Variants in TUSC3 observed in about 807,000 individuals in gnomAD.
TUSC3 encodes the protein tumor suppressor candidate 3, also known as dolichyl-diphosphooligosaccharide--protein glycosyltransferase subunit TUSC3.
In TUSC3, 45 loss-of-function variants were observed where a neutral mutation model predicts 44.8. That is an observed-to-expected ratio of 1.00 (90% CI 0.79 to 1.29). TUSC3 has a LOEUF of 1.29. Ranked by LOEUF, TUSC3 falls within the 50% of genes most tolerant of loss-of-function variation. The pLI is 0.00. For synonymous variants in TUSC3, 212 were observed against 152.9 expected (o/e 1.39, Z -2.85); for missense variants, 519 against 437.9 (o/e 1.19, Z -1.65).
chr8:15,736,466 G>T (rs1040366918), intron 7 of TUSC3, among the ~76,000 whole-genome samples: 2 of 152,150 alleles, frequency 1.3e-5, no homozygotes, highest in African/African-American at 4.8e-5. Context: ...AATTTGAACT[G>T]TGGTATCAAA....
At chr8:15,597,268 GCCTGTGGC>G (rs1409875820) in intron 1 of TUSC3, among the ~76,000 whole-genome samples, 6 of 152,028 alleles carry the variant, frequency 3.9e-5, no homozygotes, top group Non-Finnish European at 8.8e-5. Flanking sequence ...TGATTTTGAA[GCCTGTGGC>G]CCTTAGATCT....
At chr8:15,429,941 A>T (rs1460293548) in intron 1 of TUSC3, among the ~76,000 whole-genome samples, 2 of 151,702 alleles carry the variant, frequency 1.3e-5, no homozygotes, top group African/African-American at 2.4e-5. Context: ...GAAGAAGTTG[A>T]ATCTCTGAAT....
chr8:15,730,157 A>G (rs758701186), intron 6 of TUSC3, among the ~76,000 whole-genome samples: 26 of 152,104 alleles, frequency 1.7e-4, no homozygotes, highest in Non-Finnish European at 3.5e-4. Context: ...TCAACTATAT[A>G]CTACTCAGTA....
rs529473200 is a variant in TUSC3, at chr8:15,445,320, T to A, written n.91+28015T>A. On this transcript the variant is annotated intron_variant and non_coding_transcript_variant, in intron 1 of 5. Transcript: ENST00000503191. ...CTGATCTATCCCAGGATTTTATTTT[T>A]TTTTTTTTTAGTATTTATTGATCAT... 4.0e-3 allele frequency among the ~76,000 whole-genome samples: 607 copies of A among 152,218 alleles called. 3 individuals are homozygous for A. The highest frequency in any genetic ancestry group is 0.011 in the African/African-American group (445 of 41,548).
At chr8:15,835,030 A>T in the TUSC3 span, among the ~76,000 whole-genome samples, 1 of 152,158 alleles carries the variant, frequency 6.6e-6, no homozygotes. Context: ...GCTGGACTTT[A>T]TGTCTCATTT....
chr8:15,703,013 G>GGTA (rs1408579849), intron 6 of TUSC3, among the ~76,000 whole-genome samples: 1 of 152,128 alleles, frequency 6.6e-6, no homozygotes, highest in Non-Finnish European at 1.5e-5. Context: ...GTGCAATGGA[G>GGTA]GTAGTAGTGA....
chr8:15,636,216 G>A (rs1371879369), intron 2 of TUSC3, among the ~76,000 whole-genome samples: 1 of 152,126 alleles, frequency 6.6e-6, no homozygotes, highest in Non-Finnish European at 1.5e-5. Flanking sequence ...TTTCAACTTA[G>A]CAGAATCATC....
At chr8:15,766,741 G>C (rs1429318202), downstream of TUSC3, 2 of 152,064 alleles carry the variant, frequency 1.3e-5, no homozygotes, top group Non-Finnish European at 2.9e-5. Context: ...GAGACGACTA[G>C]ATGTTGCTGT....
chr8:15,640,178 T>C (rs1806299854), intron 2 of TUSC3, among the ~76,000 whole-genome samples: 1 of 152,176 alleles, frequency 6.6e-6, no homozygotes, highest in African/African-American at 2.4e-5. Context: ...CCACCTACCA[T>C]GCAGAGGGCA....
At position 15,719,512 on chromosome 8, in the gene TUSC3, CACACCACACACACA is replaced by C. The variant is rs1315274380; in HGVS notation, c.799-11153_799-11140del. 7.7e-5 allele frequency among the ~76,000 whole-genome samples: 3 copies of C among 38,996 alleles called. No homozygotes were observed. In the East Asian group the frequency reaches 4.7e-3, roughly 61 times the overall value. The allele number at this position is 38,996 out of a possible 152,430, so 25.6% of individuals were successfully genotyped here. A position where few individuals can be genotyped will look rare whatever the true frequency, so the allele number is the denominator to read the frequency against. On this transcript the variant is annotated intron_variant, in intron 6 of 10. Coordinates refer to ENST00000503731, the MANE Select transcript of TUSC3 (RefSeq NM_006765.4). ...ACAGTTCATCACACACACACACACA[CACACCACACACACA>C]CACACACACACACACACACACAGCC... is the stretch of plus-strand genomic sequence containing the variant.
chr8:15,487,523 G>A (rs1426992425), intron 2 of TUSC3, among the ~76,000 whole-genome samples: 1 of 152,140 alleles, frequency 6.6e-6, no homozygotes, highest in Non-Finnish European at 1.5e-5. Context: ...TATTATAAGG[G>A]CTAGTTTATC....
At chr8:15,521,144 G>C (rs75015289) in intron 2 of TUSC3, among the ~76,000 whole-genome samples, 2,836 of 152,232 alleles carry the variant, frequency 0.019, 50 homozygotes, top group East Asian at 0.087. Flanking sequence ...TCACTTCTAA[G>C]CTGCCTTTAA....
chr8:15,665,035 C>G (rs555373347), intron 5 of TUSC3, among the ~76,000 whole-genome samples: 4 of 151,574 alleles, frequency 2.6e-5, no homozygotes, highest in African/African-American at 7.2e-5. Flanking sequence ...GTCCAAAATG[C>G]TGACCTATTC....
At chr8:15,513,733 A>T (rs552635642) in intron 2 of TUSC3, among the ~76,000 whole-genome samples, 1 of 152,196 alleles carries the variant, frequency 6.6e-6, no homozygotes, top group Non-Finnish European at 1.5e-5. Flanking sequence ...TCCAGTCATA[A>T]GCAGCAGGTT....
At chr8:15,631,079 T>G (rs1044447393) in intron 2 of TUSC3, among the ~76,000 whole-genome samples, 2 of 152,338 alleles carry the variant, frequency 1.3e-5, no homozygotes, top group South Asian at 4.1e-4. Context: ...CTGAACAAGG[T>G]ATTTCACCTC....
the TUSC3 span, among the ~76,000 whole-genome samples, chr8:15,808,287 T>A: frequency 0.014 from 2,197 of 152,192 alleles, 56 homozygotes; most frequent in African/African-American, 0.051. Context: ...ATTATTTTAA[T>A]ACTAAATGTT....
intron 1 of TUSC3, among the ~76,000 whole-genome samples, chr8:15,608,114 A>T (rs1196067950): frequency 6.6e-6 from 1 of 152,286 alleles, no homozygotes; most frequent in East Asian, 1.9e-4. Context: ...TTAGCACTAT[A>T]TTCACATTTG....
intron 1 of TUSC3, among the ~76,000 whole-genome samples, chr8:15,622,337 G>A (rs1805287544): frequency 6.7e-6 from 1 of 149,414 alleles, no homozygotes; most frequent in African/African-American, 2.5e-5. Context: ...TTACTGTGTT[G>A]CCTAAGCTTA....
At chr8:15,527,170 G>C (rs1202361517) in intron 2 of TUSC3, among the ~76,000 whole-genome samples, 1 of 152,084 alleles carries the variant, frequency 6.6e-6, no homozygotes, top group African/African-American at 2.4e-5. Flanking sequence ...GATTTAAATT[G>C]TTACTTCACA....
Sources: allele counts gnomAD v4.1 joint callset (sites outside exome capture counted in the v4.1 genomes callset), GRCh38; gene constraint gnomAD v4.1.1; transcripts MANE v1.5; gene names NCBI Gene and HGNC (gene_info 2026-07-23, HGNC 2026-07-21).